VPS13B: variants seen among roughly 807,000 people sequenced by gnomAD.
VPS13B encodes vacuolar protein sorting 13 homolog B, also known as intermembrane lipid transfer protein VPS13B.
In VPS13B, 285 loss-of-function variants were observed where a neutral mutation model predicts 426.4. The observed-to-expected ratio is 0.67, with a 90% confidence interval of 0.61 to 0.74. The LOEUF is 0.74. VPS13B is among the 30% of genes least tolerant of loss of function. The pLI is 0.00. For missense variants in VPS13B, 4,537 were observed against 4,782.6 expected (o/e 0.95, Z 1.51); for synonymous variants, 1,676 against 1,676.4 (o/e 1.00, Z 0.01).
chr8:99,240,342 A>C (rs1203806735), intron 17 of VPS13B, among the ~76,000 whole-genome samples: 2 of 152,198 alleles, frequency 1.3e-5, no homozygotes, highest in East Asian at 1.9e-4. Flanking sequence ...TATATTCCCT[A>C]GCCATTTAAT....
intron 33 of VPS13B, among the ~76,000 whole-genome samples, chr8:99,582,189 AT>A (rs1826097083): frequency 6.6e-6 from 1 of 152,080 alleles, no homozygotes; most frequent in Admixed American, 6.5e-5. Flanking sequence ...TAAAGGCCCA[AT>A]TATATAATCA....
chr8:99,838,043 C>T (rs899854769), intron 54 of VPS13B, among the ~76,000 whole-genome samples: 15 of 152,166 alleles, frequency 9.9e-5, no homozygotes, highest in African/African-American at 3.6e-4. Flanking sequence ...GAAATATGCA[C>T]ATAGGAGTTG....
At chr8:99,163,437 C>T (rs191701996) in intron 15 of VPS13B, among the ~76,000 whole-genome samples, 17 of 152,310 alleles carry the variant, frequency 1.1e-4, no homozygotes, top group African/African-American at 3.8e-4. Flanking sequence ...GACTGGGCGC[C>T]GTGGAATAGG....
At chr8:99,268,135 T>G (rs1818404129) in intron 17 of VPS13B, among the ~76,000 whole-genome samples, 1 of 152,162 alleles carries the variant, frequency 6.6e-6, no homozygotes, top group African/African-American at 2.4e-5. Flanking sequence ...CTGCTTAGAT[T>G]TCAGAGGATG....
At chr8:99,812,443 A>C (rs1813760117) in intron 44 of VPS13B, among the ~76,000 whole-genome samples, 1 of 152,112 alleles carries the variant, frequency 6.6e-6, no homozygotes, top group Non-Finnish European at 1.5e-5. Flanking sequence ...GCAGCTGCCT[A>C]ATTACCAGGG....
At chr8:99,664,883 A>G (rs375384328) in intron 35 of VPS13B, among the ~76,000 whole-genome samples, 4 of 152,222 alleles carry the variant, frequency 2.6e-5, no homozygotes, top group South Asian at 4.2e-4. Flanking sequence ...GATCCCTGAG[A>G]AATCGCCACA....
intron 53 of VPS13B, 99 bp from the exon 54 acceptor site, chr8:99,835,440 G>T (rs1167724518): frequency 2.0e-6 from 3 of 1,502,566 alleles, no homozygotes; most frequent in East Asian, 2.3e-5. Flanking sequence ...AAGCATTAAT[G>T]ATCTCTTTTT....
intron 19 of VPS13B, among the ~76,000 whole-genome samples, chr8:99,294,676 T>G (rs1413228924): frequency 6.6e-6 from 1 of 152,186 alleles, no homozygotes. Flanking sequence ...GGAATTCTAA[T>G]TCTGGATCTT....
intron 2 of VPS13B, among the ~76,000 whole-genome samples, chr8:99,028,622 G>C (rs1842293634): frequency 8.8e-6 from 1 of 114,258 alleles, no homozygotes; most frequent in Non-Finnish European, 1.8e-5. Flanking sequence ...GCGGGGGGCT[G>C]ACCCCCCCCA....
intron 30 of VPS13B, among the ~76,000 whole-genome samples, chr8:99,539,939 A>G (rs1485536723): frequency 7.0e-6 from 1 of 142,616 alleles, no homozygotes; most frequent in Non-Finnish European, 1.5e-5. Context: ...ATATTTATAC[A>G]TTATATTTAT....
At chr8:99,268,355 G>T (rs905140034) in intron 17 of VPS13B, among the ~76,000 whole-genome samples, 1 of 152,162 alleles carries the variant, frequency 6.6e-6, no homozygotes, top group South Asian at 2.1e-4. Context: ...GCACCATGTG[G>T]CCGGAGAAGC....
At chr8:99,267,722 T>G (rs1180079774) in intron 17 of VPS13B, among the ~76,000 whole-genome samples, 1 of 145,420 alleles carries the variant, frequency 6.9e-6, no homozygotes, top group East Asian at 2.0e-4. Flanking sequence ...TGAGACTCCG[T>G]CAAAAAAAAA....
intron 16 of VPS13B, among the ~76,000 whole-genome samples, chr8:99,191,572 C>T (rs1456097050): frequency 2.0e-5 from 3 of 151,544 alleles, no homozygotes; most frequent in Admixed American, 6.6e-5. Context: ...TTGCTAGAGA[C>T]GGGGTTTCAC....
chr8:99,288,180 A>T (rs987576458), intron 19 of VPS13B, among the ~76,000 whole-genome samples: 29 of 152,068 alleles, frequency 1.9e-4, no homozygotes, highest in Admixed American at 1.8e-3. Context: ...AAACCTACAT[A>T]TAAGATTCCA....
chr8:99,604,283 A>G (rs761094771), intron 33 of VPS13B, among the ~76,000 whole-genome samples: 7 of 152,168 alleles, frequency 4.6e-5, no homozygotes, highest in African/African-American at 1.7e-4. Flanking sequence ...ACATTCTACA[A>G]TAATATGGTA....
chr8:99,854,434 CT>C (rs1816448471), intron 56 of VPS13B, among the ~76,000 whole-genome samples, 178 bp downstream of exon 56: 1 of 152,160 alleles, frequency 6.6e-6, no homozygotes, highest in African/African-American at 2.4e-5. Context: ...AGCTGTAAGA[CT>C]TTGGGCAAGT....
chr8:99,145,399 TC>T (rs1014643240), intron 13 of VPS13B, among the ~76,000 whole-genome samples: 2 of 152,158 alleles, frequency 1.3e-5, no homozygotes, highest in African/African-American at 4.8e-5. Flanking sequence ...AATGAACAGT[TC>T]CAATACCACA....
chr8:99,341,772 C>T (rs1049613877), intron 19 of VPS13B: 5 of 384,484 alleles, frequency 1.3e-5, no homozygotes, highest in Admixed American at 5.4e-5. Flanking sequence ...CTGGGTCAAA[C>T]CCCCAGGCGT....
intron 43 of VPS13B, chr8:99,798,961 A>C (rs1281078680): frequency 1.3e-5 from 2 of 152,230 alleles, no homozygotes; most frequent in African/African-American, 4.8e-5. Context: ...GAATGTTATA[A>C]AGATTTCAGC....
Sources: allele counts gnomAD v4.1 joint callset (sites outside exome capture counted in the v4.1 genomes callset), GRCh38; gene constraint gnomAD v4.1.1; transcripts MANE v1.5; gene names NCBI Gene and HGNC (gene_info 2026-07-23, HGNC 2026-07-21).